The following ADAMTS17 variants were observed in gnomAD, a reference collection of about 807,000 sequenced individuals.
ADAMTS17 encodes the protein A disintegrin and metalloproteinase with thrombospondin motifs 17.
In ADAMTS17, 113 loss-of-function variants were observed where a neutral mutation model predicts 141.5. The ratio of observed to expected loss-of-function variants is 0.80; its 90% CI spans 0.69 to 0.93. The LOEUF is 0.93. Ranked by LOEUF, ADAMTS17 falls within the 40% of genes least tolerant of loss-of-function variation. ADAMTS17 has a pLI of 0.00. For missense variants in ADAMTS17, 1,659 were observed against 1,517.9 expected (o/e 1.09, Z -1.54); for synonymous variants, 768 against 630.6 (o/e 1.22, Z -3.27).
At chr15:100,169,778 G>A (rs2141462878) in intron 8 of ADAMTS17, among the ~76,000 whole-genome samples, 1 of 152,346 alleles carries the variant, frequency 6.6e-6, no homozygotes, top group East Asian at 1.9e-4. Context: ...GGAAAGCCGG[G>A]GGCATCTGGT....
chr15:100,222,856 G>A (rs975485150), intron 7 of ADAMTS17, among the ~76,000 whole-genome samples: 8 of 152,132 alleles, frequency 5.3e-5, no homozygotes, highest in East Asian at 1.9e-4. Flanking sequence ...GACCAGGCAG[G>A]AAGCCTAAGG....
At chr15:100,271,904 G>A (rs2043926556) in intron 4 of ADAMTS17, among the ~76,000 whole-genome samples, 1 of 152,048 alleles carries the variant, frequency 6.6e-6, no homozygotes, top group Non-Finnish European at 1.5e-5. Context: ...TGTATGTTAG[G>A]TAAGGATCCA....
At chr15:100,189,223 T>C (rs986824956) in intron 8 of ADAMTS17, among the ~76,000 whole-genome samples, 2 of 152,258 alleles carry the variant, frequency 1.3e-5, no homozygotes, top group Non-Finnish European at 2.9e-5. Context: ...TTCTTCCCTC[T>C]GCCAGATTCT....
chr15:100,029,325 C>T (rs554249344), intron 18 of ADAMTS17, among the ~76,000 whole-genome samples: 3 of 152,310 alleles, frequency 2.0e-5, no homozygotes, highest in South Asian at 2.1e-4. Flanking sequence ...TAACCCTGCT[C>T]GGTTTCCTTT....
chr15:100,020,310 G>A (rs531060409), intron 18 of ADAMTS17, among the ~76,000 whole-genome samples: 1 of 152,368 alleles, frequency 6.6e-6, no homozygotes, highest in East Asian at 1.9e-4. Context: ...AAGGTAGGGA[G>A]GTGCTCAGCA....
In ADAMTS17 at chr15:100,281,247, G is replaced by A. The variant is rs143055688; in HGVS notation, c.771C>T (p.Ile257=). The change falls in exon 4 of 22, where the codon ATC becomes ATT. Residue 257 remains isoleucine (I), a synonymous_variant. Coordinates refer to ENST00000268070, the MANE Select transcript of ADAMTS17 (RefSeq NM_139057.4). ...GACTCACCATGTTCATGACGGTCAGGATGAACCTCTGGGCGGCCTCGGCCC... is the reference window on the plus strand; with the variant it reads ...GACTCACCATGTTCATGACGGTCAGAATGAACCTCTGGGCGGCCTCGGCCC... ...YHGAEAAQRF[I]LTVMNMVYNM... The A allele has an allele frequency of 2.4e-4, 383 of 1,606,168 alleles. 2 individuals carry two copies. Among genetic ancestry groups the A allele is most frequent in the Admixed American group, 3.3e-4 (20 of 60,024 alleles).
chr15:100,003,979 C>T (rs554851419), intron 18 of ADAMTS17, among the ~76,000 whole-genome samples: 2 of 152,230 alleles, frequency 1.3e-5, no homozygotes, highest in Non-Finnish European at 2.9e-5. Flanking sequence ...CTTACTGCCA[C>T]TGAACTGTAC....
rs540647222 is a variant in ADAMTS17, at chr15:100,261,492, C to T, written c.1018G>A (p.Val340Met). The T allele has an allele frequency of 8.7e-6, 14 of 1,613,996 alleles. No individual in the cohort carries two copies. Among genetic ancestry groups the T allele is most frequent in the South Asian group, 3.3e-5 (3 of 91,080 alleles). ...KDDPPLVDAA[V>M]FVTRTDFCVH... Reference sequence around the variant, plus strand: ...ATCCCATCTTACCTGGTCACAAACACGGCAGCATCCACCAGGGGCGGGTCG... The same window carrying T: ...ATCCCATCTTACCTGGTCACAAACATGGCAGCATCCACCAGGGGCGGGTCG... The change falls in exon 6 of 22, where the codon GTG becomes ATG. Residue 340 changes from valine to methionine, a missense_variant. Val to Met is a conservative substitution (Grantham distance 21, BLOSUM62 1). Transcript: ENST00000268070.
At chr15:100,085,916 G>A (rs13379500) in intron 15 of ADAMTS17, among the ~76,000 whole-genome samples, 49,688 of 151,728 alleles carry the variant, frequency 0.33, 10,433 homozygotes, top group East Asian at 0.58. Flanking sequence ...AGACCATCAA[G>A]GCTAGGAAGA....
At chr15:100,101,584 G>C (rs1343993123) in intron 14 of ADAMTS17, among the ~76,000 whole-genome samples, 3 of 152,210 alleles carry the variant, frequency 2.0e-5, no homozygotes, top group African/African-American at 7.2e-5. Context: ...TAAGCACATA[G>C]AGGACTGTGT....
intron 8 of ADAMTS17, among the ~76,000 whole-genome samples, chr15:100,165,638 A>G (rs921178412): frequency 4.6e-5 from 7 of 152,338 alleles, no homozygotes; most frequent in African/African-American, 1.7e-4. Flanking sequence ...CCATGAAGTT[A>G]TGTTAGTTTC....
At chr15:100,079,657 G>A (rs896140018) in intron 15 of ADAMTS17, among the ~76,000 whole-genome samples, 1 of 152,162 alleles carries the variant, frequency 6.6e-6, no homozygotes, top group African/African-American at 2.4e-5. Flanking sequence ...TGATTATATT[G>A]TACCTTTTCC....
chr15:99,993,240 C>T lies in ADAMTS17; in HGVS notation c.2797-40G>A, dbSNP rs138022076. ...TCAAATATTTAACCGAGTTCCAATTCGATTCAAGTCCATCAACAGCTATTA... is the reference window on the plus strand; with the variant it reads ...TCAAATATTTAACCGAGTTCCAATTTGATTCAAGTCCATCAACAGCTATTA... On this transcript the variant is annotated intron_variant, in intron 19 of 21. Transcript: ENST00000268070. This position sits in a 1 kb window ranked among gnomAD's most constrained non-coding sequence, Gnocchi z 4.3. 3.5e-5 allele frequency: 57 copies of T among 1,613,442 alleles called. No individual in the cohort carries two copies. In the African/African-American group the frequency reaches 3.6e-4, roughly 10 times the overall value.
At chr15:100,091,271 G>A (rs887984921) in intron 15 of ADAMTS17, among the ~76,000 whole-genome samples, 3 of 152,026 alleles carry the variant, frequency 2.0e-5, no homozygotes, top group Non-Finnish European at 4.4e-5. Context: ...CCACACTGCC[G>A]AAGCATGAAG....
intron 3 of ADAMTS17, among the ~76,000 whole-genome samples, chr15:100,325,900 CT>C (rs1168578180): frequency 6.6e-6 from 1 of 152,202 alleles, no homozygotes; most frequent in Non-Finnish European, 1.5e-5. Flanking sequence ...GGAACAGATC[CT>C]TTCCTCATAG....
At position 99,993,813 on chromosome 15, in the gene ADAMTS17, ACG is replaced by A. The variant is rs945556535; in HGVS notation, c.2797-615_2797-614del. The stretch of plus-strand genomic sequence containing the variant: ...ATGCAGACACCAAGAATGGTGACAG[ACG>A]CATGGCCCCTGTGGTAGTTTACTTA... On this transcript the variant is annotated intron_variant, in intron 19 of 21. Transcript: ENST00000268070. This position sits in a 1 kb window ranked among gnomAD's most constrained non-coding sequence, Gnocchi z 4.3. Among the ~76,000 whole-genome samples, 30 of 152,186 alleles carry A rather than the reference ACG, an allele frequency of 2.0e-4. No homozygotes were observed. The highest frequency in any genetic ancestry group is 7.2e-4 in the African/African-American group (30 of 41,442).
intron 4 of ADAMTS17, 66 bp from the exon 5 acceptor site, chr15:100,262,501 T>TA: frequency 8.2e-7 from 1 of 1,218,410 alleles, no homozygotes; most frequent in African/African-American, 1.5e-5. Flanking sequence ...AGTAGTATCC[T>TA]AGATGGGAAC....
At chr15:100,017,517 C>T (rs2061314380) in intron 18 of ADAMTS17, among the ~76,000 whole-genome samples, 1 of 152,242 alleles carries the variant, frequency 6.6e-6, no homozygotes, top group Non-Finnish European at 1.5e-5. Context: ...CTTGGGGACC[C>T]AGGGAGCTCC....
Position 100,048,912 on chromosome 15 carries a change from C to T in ADAMTS17, c.2536G>A (p.Ala846Thr). The T allele has an allele frequency of 6.2e-7, 1 of 1,614,184 alleles. No homozygotes were observed. The highest frequency in any genetic ancestry group is 8.5e-7 in the Non-Finnish European group (1 of 1,180,038). Residue 846 changes from alanine to threonine, a missense_variant, in exon 18 of 22, where the codon GCA becomes ACA. By Grantham distance (58) the Ala-to-Thr change is moderately conservative. Transcript: ENST00000268070. ...TLVNDSDCPQ[A>T]SRPEPQVRRC... The stretch of plus-strand genomic sequence containing the variant: ...CGGACCTGGGGCTCTGGGCGGCTTG[C>T]TTGAGGGCAGTCACTGTCGTTCACC...
Sources: allele counts gnomAD v4.1 joint callset (sites outside exome capture counted in the v4.1 genomes callset), GRCh38; gene constraint gnomAD v4.1.1; non-coding constraint Gnocchi (gnomAD v3.1); transcripts MANE v1.5; gene names NCBI Gene and HGNC (gene_info 2026-07-23, HGNC 2026-07-21).